HDLBP: variants seen among roughly 807,000 people sequenced by gnomAD.
HDLBP encodes vigilin.
A neutral mutation model predicts 137.3 loss-of-function variants in HDLBP; 30 were observed. The observed-to-expected ratio is 0.22, with a 90% CI of 0.16 to 0.30. HDLBP has a LOEUF of 0.30. HDLBP is among the 10% of genes least tolerant of loss of function. The pLI is 1.00. For synonymous variants in HDLBP, 606 were observed against 596.0 expected (o/e 1.02, Z -0.24); for missense variants, 1,119 against 1,667.3 (o/e 0.67, Z 5.73).
intron 1 of HDLBP, among the ~76,000 whole-genome samples, chr2:241,296,335 C>A: frequency 6.6e-6 from 1 of 152,192 alleles, no homozygotes; most frequent in East Asian, 1.9e-4. Context: ...TACCTCACAA[C>A]ATACTCTAAA....
intron 14 of HDLBP, chr2:241,247,423 A>C: frequency 2.2e-6 from 1 of 451,724 alleles, no homozygotes; most frequent in Non-Finnish European, 4.1e-6. Flanking sequence ...CAGAACACAC[A>C]TGGAGACAGC....
intron 11 of HDLBP, chr2:241,250,214 G>A: frequency 2.5e-6 from 1 of 400,614 alleles, no homozygotes; most frequent in Non-Finnish European, 4.4e-6. Flanking sequence ...TGGACCAGAA[G>A]CTGGAAATGC....
intron 1 of HDLBP, among the ~76,000 whole-genome samples, chr2:241,276,340 C>T (rs957388366): frequency 2.6e-5 from 4 of 151,912 alleles, no homozygotes; most frequent in African/African-American, 4.8e-5. Context: ...GTAGGTTCAG[C>T]GGTATTCATT....
Position 241,240,154 on chromosome 2 carries a change from A to C in HDLBP, c.2170-32T>G. ...AAACCAATCCCACTGTGTTAGCCTG[A>C]CACCACGTGCCTGGACCACAGTGAG... On this transcript the variant is annotated intron_variant, in intron 17 of 27. Transcript: ENST00000310931. The surrounding 1 kb of genome is among the most constrained non-coding windows in gnomAD (Gnocchi z 5.5). The C allele has an allele frequency of 6.2e-7, 1 of 1,602,946 alleles. No individual in the cohort carries two copies. Among genetic ancestry groups the C allele is most frequent in the Non-Finnish European group, 8.5e-7 (1 of 1,169,788 alleles).
intron 21 of HDLBP, chr2:241,236,313 C>T (rs1574856105): frequency 2.5e-6 from 1 of 399,382 alleles, no homozygotes; most frequent in Non-Finnish European, 4.6e-6. Context: ...TCACATTCAT[C>T]CCCCTGCAGC....
chr2:241,241,573 A>C (rs1034219349), intron 17 of HDLBP, among the ~76,000 whole-genome samples: 45 of 93,594 alleles, frequency 4.8e-4, no homozygotes, highest in Non-Finnish European at 5.5e-4. Flanking sequence ...TCTCAAAAAA[A>C]AAAAAAAAAA....
chr2:241,245,921 C>T (rs527648279), intron 16 of HDLBP, among the ~76,000 whole-genome samples: 2 of 152,264 alleles, frequency 1.3e-5, no homozygotes, highest in South Asian at 4.1e-4. Context: ...AGAGAGGTGA[C>T]GTCAGTATTG....
chr2:241,238,867 C>G lies in HDLBP; in HGVS notation c.2611-80G>C. On this transcript the variant is annotated intron_variant, in intron 19 of 27. Transcript: ENST00000310931. This position sits in a 1 kb window ranked among gnomAD's most constrained non-coding sequence, Gnocchi z 4.9. ...GCAAGTTTTACAGCACTCTTCACAC[C>G]ACCTTCCTCCCTGTCCTCTACAGCC... 8.4e-7 allele frequency: 1 copy of G among 1,194,274 alleles called. No homozygotes were observed. Among genetic ancestry groups the G allele is most frequent in the Non-Finnish European group, 1.2e-6 (1 of 867,662 alleles). The allele number at this position is 1,194,274 out of a possible 1,614,324, so 74.0% of individuals were successfully genotyped here. A position where few individuals can be genotyped will look rare whatever the true frequency, so the allele number is the denominator to read the frequency against.
intron 1 of HDLBP, among the ~76,000 whole-genome samples, chr2:241,308,741 G>C (rs991674549): frequency 6.6e-6 from 1 of 152,110 alleles, no homozygotes; most frequent in Non-Finnish European, 1.5e-5. Flanking sequence ...TTTGCCTCAG[G>C]GTCTACCTCG....
At chr2:241,275,997 G>A (rs953820353) in intron 1 of HDLBP, among the ~76,000 whole-genome samples, 7 of 152,090 alleles carry the variant, frequency 4.6e-5, no homozygotes, top group African/African-American at 1.7e-4. Context: ...GAAACAAGTG[G>A]TGACCCTATA....
intron 11 of HDLBP, chr2:241,250,509 G>GTT (rs1469096780): frequency 3.9e-5 from 6 of 152,724 alleles, no homozygotes; most frequent in African/African-American, 1.4e-4. Context: ...TGCAAGACAA[G>GTT]TGCTGTTGCA....
At chr2:241,314,598 A>T (rs2075932759) in intron 1 of HDLBP, among the ~76,000 whole-genome samples, 1 of 152,314 alleles carries the variant, frequency 6.6e-6, no homozygotes, top group South Asian at 2.1e-4. Flanking sequence ...TTTCACCATA[A>T]TAGGCACTGT....
Position 241,262,774 on chromosome 2 carries a change from C to A in HDLBP, c.387G>T (p.Val129=), listed in dbSNP as rs775186288. 3.7e-6 allele frequency: 6 copies of A among 1,614,156 alleles called. No homozygotes were observed. Among genetic ancestry groups the A allele is most frequent in the Non-Finnish European group, 5.1e-6 (6 of 1,180,016 alleles). The part of the protein sequence containing the change: ...LAKDQGLSIM[V]SGKLDAVMKA... ...TCATGACAGCATCCAGCTTTCCTGACACCATGATGGAGAGGCCTTGGTCTT... is the reference window on the plus strand; with the variant it reads ...TCATGACAGCATCCAGCTTTCCTGAAACCATGATGGAGAGGCCTTGGTCTT... Residue 129 remains valine, a synonymous_variant, in exon 5 of 28, where the codon GTG becomes GTT. Coordinates refer to ENST00000310931, the MANE Select transcript of HDLBP (RefSeq NM_005336.6).
chr2:241,242,504 C>T lies in HDLBP; in HGVS notation c.2125G>A (p.Val709Met). ...TVVIRGPSSD[V>M]EKAKKQLLHL... is the part of the protein sequence containing the mutation. ...AGGAGCTGCTTCTTGGCCTTCTCCA[C>T]ATCCGAGGAAGGGCCCCTGATAACA... is the stretch of plus-strand genomic sequence containing the variant. Residue 709 changes from valine to methionine, a missense_variant, in exon 17 of 28, where the codon GTG (valine) becomes ATG (methionine). Coordinates refer to ENST00000310931, the MANE Select transcript of HDLBP (RefSeq NM_005336.6). The T allele has an allele frequency of 6.2e-7, 1 of 1,614,198 alleles. No homozygotes were observed. Among genetic ancestry groups the T allele is most frequent in the Non-Finnish European group, 8.5e-7 (1 of 1,180,030 alleles).
chr2:241,252,562 T>G (rs2072279363), intron 11 of HDLBP, among the ~76,000 whole-genome samples: 1 of 152,178 alleles, frequency 6.6e-6, no homozygotes, highest in East Asian at 1.9e-4. Flanking sequence ...TTTTTACTCT[T>G]CAGTGAGTTC....
intron 1 of HDLBP, among the ~76,000 whole-genome samples, chr2:241,292,490 G>C (rs1225243663): frequency 6.6e-6 from 1 of 152,146 alleles, no homozygotes; most frequent in Non-Finnish European, 1.5e-5. Flanking sequence ...GTGTAAAAAG[G>C]CTTTTTATGA....
At chr2:241,291,871 T>C (rs1298286912) in intron 1 of HDLBP, among the ~76,000 whole-genome samples, 1 of 152,168 alleles carries the variant, frequency 6.6e-6, no homozygotes, top group African/African-American at 2.4e-5. Flanking sequence ...AAAAAATGGC[T>C]GCCACGAGCT....
At chr2:241,283,390 G>A (rs1438182281) in intron 1 of HDLBP, among the ~76,000 whole-genome samples, 1 of 152,164 alleles carries the variant, frequency 6.6e-6, no homozygotes, top group Non-Finnish European at 1.5e-5. Flanking sequence ...GAAAGTAGCT[G>A]CACTAAACAG....
At position 241,255,419 on chromosome 2, in the gene HDLBP, G is replaced by A. The variant is rs754817200; in HGVS notation, c.1035C>T (p.Gly345=). The A allele has an allele frequency of 1.4e-5, 23 of 1,614,064 alleles. No homozygotes were observed. The highest frequency in any genetic ancestry group is 2.2e-5 in the East Asian group (1 of 44,908). Reference sequence around the variant, plus strand: ...ACGCCTGACCTAACTTTTCAGGTTCGCCTCGAAGTATTACAGTCTCAGAGA... The same window carrying A: ...ACGCCTGACCTAACTTTTCAGGTTCACCTCGAAGTATTACAGTCTCAGAGA... The part of the protein sequence containing the change: ...DSISETVILR[G]EPEKLGQALT... The change falls in exon 8 of 28, where the codon GGC becomes GGT. Residue 345 remains glycine (G), a synonymous_variant. Coordinates refer to ENST00000310931, the MANE Select transcript of HDLBP (RefSeq NM_005336.6).
Sources: allele counts gnomAD v4.1 joint callset (sites outside exome capture counted in the v4.1 genomes callset), GRCh38; gene constraint gnomAD v4.1.1; non-coding constraint Gnocchi (gnomAD v3.1); transcripts MANE v1.5; gene names NCBI Gene and HGNC (gene_info 2026-07-23, HGNC 2026-07-21).